GRM5: variants seen among roughly 807,000 people sequenced by gnomAD.
GRM5 encodes glutamate metabotropic receptor 5, also known as metabotropic glutamate receptor 5.
A neutral mutation model predicts 83.1 loss-of-function variants in GRM5; 19 were observed. The ratio of observed to expected loss-of-function variants is 0.23; its 90% CI spans 0.16 to 0.34. The LOEUF is 0.34. Among genes scored for constraint, GRM5 ranks in the 10% least tolerant of loss-of-function variants. The pLI is 1.00. For synonymous variants in GRM5, 675 were observed against 633.6 expected (o/e 1.07, Z -0.98); for missense variants, 1,160 against 1,588.3 (o/e 0.73, Z 4.58).
chr11:89,013,607 T>C (rs1940768565), intron 2 of GRM5, among the ~76,000 whole-genome samples: 1 of 152,180 alleles, frequency 6.6e-6, no homozygotes, highest in East Asian at 1.9e-4. Context: ...ACTTGCCCCA[T>C]ACTACTATCA....
chr11:88,997,145 A>G (rs887115447), intron 2 of GRM5, among the ~76,000 whole-genome samples: 7 of 151,838 alleles, frequency 4.6e-5, no homozygotes, highest in African/African-American at 1.7e-4. Flanking sequence ...GCCAACATGG[A>G]GAAACCCCAG....
At chr11:88,736,679 C>T (rs1166280110) in intron 3 of GRM5, among the ~76,000 whole-genome samples, 4 of 152,034 alleles carry the variant, frequency 2.6e-5, no homozygotes, top group African/African-American at 9.7e-5. Context: ...GCACATTTCC[C>T]TGCAGGATGG....
rs201710799 is a variant in GRM5, at chr11:89,047,647, G to C, written c.226C>G (p.Leu76Val). Residue 76 changes from leucine (L) to valine (V), a missense_variant, in exon 2 of 10, where the codon CTG (leucine) becomes GTG (valine). Leu to Val is a conservative substitution (Grantham distance 32, BLOSUM62 1). Transcript: ENST00000305447. The surrounding 1 kb of genome is among the most constrained non-coding windows in gnomAD (Gnocchi z 5.1). ...IQRVEAMLHT[L>V]ERINSDPTLL... ...GTGGGGTCTGAATTGATCCTTTCCA[G>C]GGTATGCAGCATGGCCTCCACTCTC... 8.1e-6 allele frequency: 13 copies of C among 1,613,896 alleles called. No individual in the cohort carries two copies. The highest frequency in any genetic ancestry group is 1.1e-5 in the Non-Finnish European group (13 of 1,179,934).
chr11:88,842,766 A>G (rs1253953185), intron 3 of GRM5, among the ~76,000 whole-genome samples: 2 of 152,064 alleles, frequency 1.3e-5, no homozygotes, highest in Non-Finnish European at 2.9e-5. Context: ...ATTTTAACAA[A>G]CACGTCCTTG....
intron 2 of GRM5, among the ~76,000 whole-genome samples, chr11:88,968,691 A>T (rs980829472): frequency 6.6e-6 from 1 of 152,100 alleles, no homozygotes; most frequent in Non-Finnish European, 1.5e-5. Context: ...AATAAAAAAT[A>T]ACACAAAGTG....
At chr11:88,650,935 A>G (rs1029508509) in intron 4 of GRM5, among the ~76,000 whole-genome samples, 3 of 152,052 alleles carry the variant, frequency 2.0e-5, no homozygotes, top group Non-Finnish European at 4.4e-5. Context: ...ATCTCTCATT[A>G]AGAAGAATAA....
At chr11:88,828,313 T>C (rs1943928003) in intron 3 of GRM5, among the ~76,000 whole-genome samples, 1 of 152,212 alleles carries the variant, frequency 6.6e-6, no homozygotes, top group African/African-American at 2.4e-5. Flanking sequence ...AGTTACCATC[T>C]AAACCAGAAT....
intron 8 of GRM5, among the ~76,000 whole-genome samples, chr11:88,527,244 A>G (rs749318633): frequency 2.6e-5 from 4 of 152,324 alleles, no homozygotes; most frequent in Non-Finnish European, 5.9e-5. Flanking sequence ...TTACAAAGGG[A>G]TCCTTAACAT....
intron 3 of GRM5, among the ~76,000 whole-genome samples, chr11:88,680,435 T>G (rs1327099819): frequency 6.6e-6 from 1 of 152,230 alleles, no homozygotes; most frequent in African/African-American, 2.4e-5. Flanking sequence ...TATGGCTGCA[T>G]AGTATTCCAT....
chr11:89,025,440 T>G (rs1860301339), intron 2 of GRM5, among the ~76,000 whole-genome samples: 1 of 151,910 alleles, frequency 6.6e-6, no homozygotes, highest in Admixed American at 6.6e-5. Flanking sequence ...GAGAGTAGAG[T>G]CAATATACTC....
At chr11:88,744,156 T>C (rs1490503593) in intron 3 of GRM5, among the ~76,000 whole-genome samples, 2 of 152,160 alleles carry the variant, frequency 1.3e-5, no homozygotes, top group East Asian at 1.9e-4. Flanking sequence ...GATAAATAAC[T>C]TTGCGTCTTC....
chr11:88,931,171 T>C (rs1937693271), intron 2 of GRM5, among the ~76,000 whole-genome samples: 2 of 152,002 alleles, frequency 1.3e-5, no homozygotes, highest in African/African-American at 4.8e-5. Flanking sequence ...TTCAGTGTCA[T>C]TTTTAGTGAT....
chr11:88,662,064 G>A (rs949312406), intron 3 of GRM5, among the ~76,000 whole-genome samples: 12 of 152,140 alleles, frequency 7.9e-5, no homozygotes, highest in Middle Eastern at 3.4e-3. Flanking sequence ...TTCAAAAGAA[G>A]GGAAAAAGTC....
intron 3 of GRM5, among the ~76,000 whole-genome samples, chr11:88,749,292 G>A (rs756175350): frequency 7.9e-5 from 12 of 152,252 alleles, no homozygotes; most frequent in Non-Finnish European, 1.0e-4. Context: ...ACTTCACAAC[G>A]CACTCACAAG....
At chr11:88,688,857 C>T (rs1196289674) in intron 3 of GRM5, among the ~76,000 whole-genome samples, 1 of 152,026 alleles carries the variant, frequency 6.6e-6, no homozygotes, top group Non-Finnish European at 1.5e-5. Flanking sequence ...GCGATTAGAC[C>T]TGGAACAGTT....
At position 88,902,950 on chromosome 11, in the gene GRM5, C is replaced by CAAAAA. The variant is rs201996144; in HGVS notation, c.662-52800_662-52796dup. Among the ~76,000 whole-genome samples the CAAAAA allele has an allele frequency of 2.4e-3, 150 of 61,802 alleles. 3 individuals are homozygous for CAAAAA. The highest frequency in any genetic ancestry group is 3.5e-3 in the African/African-American group (31 of 8,878). The allele number at this position is 61,802 out of a possible 152,430, so 40.5% of individuals were successfully genotyped here. A position where few individuals can be genotyped will look rare whatever the true frequency, so the allele number is the denominator to read the frequency against. On this transcript the variant is annotated intron_variant, in intron 2 of 9. Coordinates refer to ENST00000305447, the MANE Select transcript of GRM5 (RefSeq NM_001143831.3). ...TGGGCGACAGACCAAGACTCCATCTCAAAAAAAAAAAAAAAAAAAAAAAAA... is the reference window on the plus strand; with the variant it reads ...TGGGCGACAGACCAAGACTCCATCTCAAAAAAAAAAAAAAAAAAAAAAAAAAAAAA...
chr11:88,564,912 G>A (rs577896751), intron 8 of GRM5, among the ~76,000 whole-genome samples: 7 of 151,046 alleles, frequency 4.6e-5, no homozygotes, highest in Non-Finnish European at 8.9e-5. Flanking sequence ...TTGTGCTGCC[G>A]TTTATAGTGC....
chr11:88,752,368 T>C (rs1942296489), intron 3 of GRM5, among the ~76,000 whole-genome samples: 2 of 151,884 alleles, frequency 1.3e-5, no homozygotes, highest in East Asian at 1.9e-4. Context: ...ACAAAAAGAA[T>C]AAAATACATA....
chr11:88,578,496 T>G (rs1943158899), intron 7 of GRM5, among the ~76,000 whole-genome samples: 1 of 152,122 alleles, frequency 6.6e-6, no homozygotes, highest in Non-Finnish European at 1.5e-5. Context: ...AGACCACAAA[T>G]TTATCATTGT....
Sources: gnomAD v4.1 joint callset for allele counts (sites outside exome capture counted in the v4.1 genomes callset) on GRCh38, gnomAD v4.1.1 for gene constraint, Gnocchi (gnomAD v3.1) non-coding constraint, MANE v1.5 for transcripts, NCBI Gene and HGNC (gene_info 2026-07-23, HGNC 2026-07-21) for gene names.